Variants in ADAMTS13 observed in about 807,000 individuals in gnomAD.
ADAMTS13 encodes A disintegrin and metalloproteinase with thrombospondin motifs 13.
Under a neutral mutation model 155.1 loss-of-function variants are expected in ADAMTS13, and 110 were observed. That is an observed-to-expected ratio of 0.71 (90% CI 0.61 to 0.83). The LOEUF (loss-of-function observed/expected upper bound fraction) is 0.83, where lower values mean the gene tolerates loss of function less well. ADAMTS13 is among the 40% of genes least tolerant of loss of function. The probability of loss-of-function intolerance (pLI) is 0.00; values close to 1 mark genes in which losing one functional copy is unlikely to be tolerated. For missense variants in ADAMTS13, 1,707 were observed against 1,891.7 expected (o/e 0.90, Z 1.81); for synonymous variants, 758 against 756.4 (o/e 1.00, Z -0.03).
chr9:133,426,995 G>A (rs1334722603), intron 6 of ADAMTS13, among the ~76,000 whole-genome samples: 1 of 152,076 alleles, frequency 6.6e-6, no homozygotes, highest in Non-Finnish European at 1.5e-5. Context: ...TAGAGACAGG[G>A]TTTCTCCATG....
At chr9:133,451,542 G>T (rs1842434719) in intron 23 of ADAMTS13, among the ~76,000 whole-genome samples, 1 of 152,178 alleles carries the variant, frequency 6.6e-6, no homozygotes, top group African/African-American at 2.4e-5. Flanking sequence ...ACAGATGTGA[G>T]CCATCACACC....
Position 133,456,336 on chromosome 9 carries a change from C to A in ADAMTS13, c.3547+121C>A. ...GCATTCCCACCTGTAGTTTGCATCC[C>A]ATCTCATGACTGGGGAGTGATGATC... On this transcript the variant is annotated intron_variant, in intron 26 of 28. Transcript: ENST00000355699. This position sits in a 1 kb window ranked among gnomAD's most constrained non-coding sequence, Gnocchi z 4.4. 1 of 1,496,828 alleles carries A rather than the reference C, an allele frequency of 6.7e-7. No individual in the cohort carries two copies. Among genetic ancestry groups the A allele is most frequent in the Non-Finnish European group, 9.1e-7 (1 of 1,096,082 alleles). The allele number at this position is 1,496,828 out of a possible 1,614,324, so 92.7% of individuals were successfully genotyped here.
At position 133,445,047 on chromosome 9, in the gene ADAMTS13, G is replaced by A. The variant is rs781927460; in HGVS notation, c.2605G>A (p.Gly869Ser). Reference sequence around the variant, plus strand: ...CGGGATGTCATGTCCTCCAGGCTGGGGCCATGTGAGTGCCCTGGGCATGAG... The same window carrying A: ...CGGGATGTCATGTCCTCCAGGCTGGAGCCATGTGAGTGCCCTGGGCATGAG... ...CVGMSCPPGW[G>S]HLDATSAGEK... The change falls in exon 20 of 29, where the codon GGC becomes AGC. Residue 869 changes from glycine (G) to serine (S), a missense_variant. By Grantham distance (56) the Gly-to-Ser change is moderately conservative (BLOSUM62 0). Transcript: ENST00000355699. The surrounding 1 kb of genome is among the most constrained non-coding windows in gnomAD (Gnocchi z 5.0). 2.2e-5 allele frequency: 35 copies of A among 1,612,600 alleles called. No individual in the cohort carries two copies. In the East Asian group the frequency reaches 7.6e-4, roughly 35 times the overall value.
In ADAMTS13 at chr9:133,457,900, C is replaced by T. The variant is rs373895172; in HGVS notation, c.3725-10C>T. The stretch of plus-strand genomic sequence containing the variant: ...GTCTGGGTTCCTATGTCCCTATGTC[C>T]CACCTGCAGAATGTGACATGCAGCT... On this transcript the variant is annotated splice_polypyrimidine_tract_variant and intron_variant, in intron 27 of 28. Transcript: ENST00000355699. The T allele has an allele frequency of 6.4e-5, 103 of 1,613,668 alleles. No homozygotes were observed. The highest frequency in any genetic ancestry group is 8.1e-5 in the Non-Finnish European group (96 of 1,180,052).
intron 11 of ADAMTS13, among the ~76,000 whole-genome samples, chr9:133,436,010 G>GT (rs1375271827): frequency 6.9e-6 from 1 of 144,136 alleles, no homozygotes; most frequent in Non-Finnish European, 1.5e-5. Context: ...TAGAGATGGG[G>GT]TTTTGTCATG....
At chr9:133,457,434 C>A (rs1239996401) in intron 27 of ADAMTS13, among the ~76,000 whole-genome samples, 5 of 152,166 alleles carry the variant, frequency 3.3e-5, no homozygotes, top group Admixed American at 3.3e-4. Flanking sequence ...CTGGGCCCTG[C>A]CAAAAGGCCA....
chr9:133,444,794 A>G, intron 19 of ADAMTS13, 69 bp from the exon 20 acceptor site: 8 of 1,534,464 alleles, frequency 5.2e-6, no homozygotes, highest in Non-Finnish European at 6.2e-6. Context: ...CCCTGCCCCT[A>G]GCAGCTGGGC....
At chr9:133,458,737 C>T (rs1258933766) in intron 28 of ADAMTS13, among the ~76,000 whole-genome samples, 1 of 152,114 alleles carries the variant, frequency 6.6e-6, no homozygotes, top group African/African-American at 2.4e-5. Context: ...TGCAGGGTAT[C>T]AGCTTCCCCA....
rs1841951465 is a variant in ADAMTS13 at position 133,444,926 on chromosome 9, C to T, written c.2484C>T (p.Asn828=). ...SAGGAGLALE[N]ETCVPGADGL... is the part of the protein sequence containing the mutation. ...GTGGAGCAGGCCTGGCCTTGGAGAA[C>T]GAGACCTGTGTGCCAGGGGCAGATG... Residue 828 remains asparagine, a synonymous_variant, in exon 20 of 29, where the codon AAC becomes AAT. Coordinates refer to ENST00000355699, the MANE Select transcript of ADAMTS13 (RefSeq NM_139027.6). 3 of 1,613,446 alleles carry T rather than the reference C, an allele frequency of 1.9e-6. No homozygotes were observed. Among genetic ancestry groups the T allele is most frequent in the African/African-American group, 1.3e-5 (1 of 75,052 alleles).
At position 133,431,155 on chromosome 9, in the gene ADAMTS13, G is replaced by A. The variant is rs140205054; in HGVS notation, c.987+1054G>A. Among the ~76,000 whole-genome samples, 690 of 150,794 alleles carry A rather than the reference G, an allele frequency of 4.6e-3. 5 individuals are homozygous for A. The highest frequency in any genetic ancestry group is 0.016 in the African/African-American group (667 of 41,054). ...AATTTTTAAATTTTTTGTAGAGATG[G>A]GGTCTCCCTTTGTTACCCAGGCTTG... On this transcript the variant is annotated intron_variant, in intron 8 of 28. Transcript: ENST00000355699.
intron 28 of ADAMTS13, among the ~76,000 whole-genome samples, chr9:133,458,739 G>T (rs1194552757): frequency 6.6e-6 from 1 of 152,154 alleles, no homozygotes; most frequent in African/African-American, 2.4e-5. Flanking sequence ...CAGGGTATCA[G>T]CTTCCCCAGA....
chr9:133,445,015 C>T lies in ADAMTS13; in HGVS notation c.2573C>T (p.Pro858Leu). 6.2e-7 allele frequency: 1 copy of T among 1,613,482 alleles called. No individual in the cohort carries two copies. Among genetic ancestry groups the T allele is most frequent in the Non-Finnish European group, 8.5e-7 (1 of 1,180,016 alleles). The change falls in exon 20 of 29, where the codon CCC (proline) becomes CTC (leucine). Residue 858 changes from proline to leucine, a missense_variant. Pro to Leu is a moderately conservative substitution (Grantham distance 98, BLOSUM62 -3). Around this residue, in one of 3 missense-constraint regions of ADAMTS13, gnomAD observed 961 missense variants for 1,107.9 expected, o/e 0.87. Coordinates refer to ENST00000355699, the MANE Select transcript of ADAMTS13 (RefSeq NM_139027.6). The surrounding 1 kb of genome is among the most constrained non-coding windows in gnomAD (Gnocchi z 5.0). Reference protein sequence around the residue: ...SVDEKLPAPEPCVGMSCPPGW... With the variant: ...SVDEKLPAPELCVGMSCPPGW... ...GATGAGAAGCTGCCTGCCCCTGAGC[C>T]CTGTGTCGGGATGTCATGTCCTCCA...
intron 19 of ADAMTS13, 115 bp from the exon 20 acceptor site, chr9:133,444,748 T>C (rs1418066222): frequency 8.3e-6 from 9 of 1,087,596 alleles, no homozygotes; most frequent in Non-Finnish European, 1.2e-5. Context: ...GGCTCCTCTT[T>C]GGGCTCCTGG....
At chr9:133,426,390 A>C (rs1840284603) in intron 6 of ADAMTS13, 45 bp downstream of exon 6, 4 of 1,597,708 alleles carry the variant, frequency 2.5e-6, no homozygotes, top group Non-Finnish European at 3.4e-6. Context: ...CAAGGAGCTG[A>C]CCTGGGTACC....
Position 133,425,832 on chromosome 9 carries a change from C to T in ADAMTS13, c.415-106C>T. On this transcript the variant is annotated intron_variant, in intron 4 of 28. Coordinates refer to ENST00000355699, the MANE Select transcript of ADAMTS13 (RefSeq NM_139027.6). The surrounding 1 kb of genome is among the most constrained non-coding windows in gnomAD (Gnocchi z 4.6). ...TCAGTTGTCTCATCCCTAACACGGG[C>T]TAGTCATAGGGTTGTTAGGAGGACT... 1.9e-6 allele frequency: 3 copies of T among 1,547,436 alleles called. No individual in the cohort carries two copies. The highest frequency in any genetic ancestry group is 1.7e-4 in the Middle Eastern group (1 of 5,862).
chr9:133,414,854 C>A (rs1554781211), intron 1 of ADAMTS13: 15 of 1,614,180 alleles, frequency 9.3e-6, no homozygotes, highest in African/African-American at 1.3e-5. Flanking sequence ...AGAGCCCCTG[C>A]TGGCCTCCTG....
Position 133,425,683 on chromosome 9 carries a change from TTAAC to T in ADAMTS13, c.414+72_414+75del. ...CCAAGTCATCGCATCTCCATCCTCTTTAACCTCTTGTCCCGGATGCCCCAAGCAG... is the reference window on the plus strand; with the variant it reads ...CCAAGTCATCGCATCTCCATCCTCTTCTCTTGTCCCGGATGCCCCAAGCAG... On this transcript the variant is annotated intron_variant, in intron 4 of 28. Coordinates refer to ENST00000355699, the MANE Select transcript of ADAMTS13 (RefSeq NM_139027.6). The surrounding 1 kb of genome is among the most constrained non-coding windows in gnomAD (Gnocchi z 4.6). 6.5e-7 allele frequency: 1 copy of T among 1,531,388 alleles called. No individual in the cohort carries two copies. The highest frequency in any genetic ancestry group is 8.9e-7 in the Non-Finnish European group (1 of 1,120,992). The allele number at this position is 1,531,388 out of a possible 1,614,324, so 94.9% of individuals were successfully genotyped here.
At chr9:133,438,421 C>T in intron 14 of ADAMTS13, 55 bp downstream of exon 14, 1 of 1,607,638 alleles carries the variant, frequency 6.2e-7, no homozygotes, top group East Asian at 2.2e-5. Flanking sequence ...CCAAGATGGC[C>T]ACAGCCCAGA....
chr9:133,430,608 C>CA (rs1554787047), intron 8 of ADAMTS13, among the ~76,000 whole-genome samples: 3 of 151,510 alleles, frequency 2.0e-5, no homozygotes, highest in Non-Finnish European at 4.4e-5. Context: ...CCTTCCTCCA[C>CA]AAAAAAATTG....
Sources: gnomAD v4.1 joint callset for allele counts (sites outside exome capture counted in the v4.1 genomes callset) on GRCh38, gnomAD v4.1.1 for gene constraint, gnomAD v4.1.1 regional missense constraint, Gnocchi (gnomAD v3.1) non-coding constraint, MANE v1.5 for transcripts, NCBI Gene and HGNC (gene_info 2026-07-23, HGNC 2026-07-21) for gene names.